The following SCYL2 variants were observed in gnomAD, a reference collection of about 807,000 sequenced individuals.
SCYL2 encodes the protein SCY1 like pseudokinase 2.
A neutral mutation model predicts 100.4 loss-of-function variants in SCYL2; 36 were observed. The observed-to-expected ratio is 0.36, with a 90% confidence interval of 0.27 to 0.47. SCYL2 has a LOEUF of 0.47. SCYL2 is among the 20% of genes least tolerant of loss of function. The pLI is 1.00. For missense variants in SCYL2, 902 were observed against 1,083.9 expected (o/e 0.83, Z 2.36); for synonymous variants, 330 against 359.2 (o/e 0.92, Z 0.92).
intron 3 of SCYL2, among the ~76,000 whole-genome samples, chr12:100,297,132 G>A (rs1474131330): frequency 6.6e-6 from 1 of 152,180 alleles, no homozygotes; most frequent in Non-Finnish European, 1.5e-5. Context: ...TAAAGTGTTA[G>A]GGCTTGGGTG....
At chr12:100,337,209 A>T (rs534427729) in intron 16 of SCYL2, among the ~76,000 whole-genome samples, 178 bp from the exon 17 acceptor site, 1 of 152,274 alleles carries the variant, frequency 6.6e-6, no homozygotes, top group African/African-American at 2.4e-5. Context: ...GTGAGTTTTT[A>T]TCTAAAGTTA....
intron 10 of SCYL2, among the ~76,000 whole-genome samples, chr12:100,320,586 A>AAATAAGT (rs756643167): frequency 6.8e-6 from 1 of 147,262 alleles, no homozygotes; most frequent in Non-Finnish European, 1.5e-5. Context: ...ATAAATAAAT[A>AAATAAGT]AATAAATAAA....
In SCYL2 at chr12:100,340,651, AATTAT is replaced by A. The variant is rs1454323960; in HGVS notation, c.*1485_*1489del. The A allele has an allele frequency of 1.3e-5, 2 of 152,108 alleles. No homozygotes were observed. Among genetic ancestry groups the A allele is most frequent in the Admixed American group, 6.5e-5 (1 of 15,276 alleles). The allele number at this position is 152,108 out of a possible 1,614,324, so 9.4% of individuals were successfully genotyped here. ...AGCACTTGATTACAAAATGTAATTT[AATTAT>A]ATTATTGCTGGCAGCATTCAGTTAA... On this transcript the variant is annotated 3_prime_UTR_variant, in exon 18 of 18. Transcript: ENST00000360820.
chr12:100,283,892 A>G (rs748183726), intron 2 of SCYL2, among the ~76,000 whole-genome samples: 4 of 152,152 alleles, frequency 2.6e-5, no homozygotes, highest in Non-Finnish European at 4.4e-5. Context: ...TGCCATTTGG[A>G]AGTCTTTACT....
intron 11 of SCYL2, among the ~76,000 whole-genome samples, chr12:100,325,320 T>C (rs1470943211): frequency 6.6e-6 from 1 of 152,230 alleles, no homozygotes; most frequent in African/African-American, 2.4e-5. Context: ...TGTGAATTGC[T>C]GCCCAGTTAT....
In SCYL2 at chr12:100,335,912, T is replaced by C; in HGVS notation, c.2025+6T>C. 6.2e-7 allele frequency: 1 copy of C among 1,602,198 alleles called. No homozygotes were observed. Among genetic ancestry groups the C allele is most frequent in the Non-Finnish European group, 8.5e-7 (1 of 1,170,124 alleles). On this transcript the variant is annotated splice_donor_region_variant and intron_variant, in intron 16 of 17. Coordinates refer to ENST00000360820, the MANE Select transcript of SCYL2 (RefSeq NM_017988.6). ...TACAGAATAAACATAAAAGAGTGAG[T>C]TTCCTTACTGTTCTTTCAGCCCTCT... is the stretch of plus-strand genomic sequence containing the variant.
At chr12:100,285,691 T>C (rs2096303769) in intron 2 of SCYL2, among the ~76,000 whole-genome samples, 1 of 152,182 alleles carries the variant, frequency 6.6e-6, no homozygotes, top group East Asian at 1.9e-4. Flanking sequence ...AACATAGAAT[T>C]TATACCATTA....
At chr12:100,305,756 C>G (rs560166634) in intron 4 of SCYL2, among the ~76,000 whole-genome samples, 1 of 140,490 alleles carries the variant, frequency 7.1e-6, no homozygotes, top group Non-Finnish European at 1.5e-5. Flanking sequence ...ACAAAATAGA[C>G]TGCTAGCCAG....
At chr12:100,276,466 G>A (rs2135805653) in intron 1 of SCYL2, among the ~76,000 whole-genome samples, 1 of 152,174 alleles carries the variant, frequency 6.6e-6, no homozygotes. Context: ...CCAAGTAGCT[G>A]GGACCATAAG....
intron 1 of SCYL2, among the ~76,000 whole-genome samples, chr12:100,274,884 T>G (rs2096291083): frequency 6.6e-6 from 1 of 152,210 alleles, no homozygotes; most frequent in Non-Finnish European, 1.5e-5. Flanking sequence ...AGCCTGTGGA[T>G]CCCTTCTCAC....
rs370957100 is a variant in SCYL2, at chr12:100,314,455, A to G, written c.970-34A>G. The G allele has an allele frequency of 1.4e-4, 208 of 1,490,458 alleles. 2 individuals are homozygous for G. The Middle Eastern group carries it at 1.7e-3, about 12-fold the overall frequency. The allele number at this position is 1,490,458 out of a possible 1,614,324, so 92.3% of individuals were successfully genotyped here. A position where few individuals can be genotyped will look rare whatever the true frequency, so the allele number is the denominator to read the frequency against. On this transcript the variant is annotated intron_variant, in intron 7 of 17. Transcript: ENST00000360820. The stretch of plus-strand genomic sequence containing the variant: ...ATATGAGAAGTACTTTCAATTTAAC[A>G]TTTATCAAAATACTTTATTTCCATT...
At chr12:100,330,713 G>A (rs559016499) in intron 13 of SCYL2, among the ~76,000 whole-genome samples, 1 of 152,256 alleles carries the variant, frequency 6.6e-6, no homozygotes, top group East Asian at 1.9e-4. Flanking sequence ...TGGGGAGAGT[G>A]CTGAGTGAGC....
intron 4 of SCYL2, among the ~76,000 whole-genome samples, chr12:100,301,915 G>A (rs979405217): frequency 1.3e-5 from 2 of 152,222 alleles, no homozygotes; most frequent in Admixed American, 6.5e-5. Context: ...GACCCATGGC[G>A]TACTATGTGG....
intron 1 of SCYL2, 38 bp from the exon 2 acceptor site, chr12:100,282,905 G>A: frequency 1.0e-6 from 1 of 993,094 alleles, no homozygotes; most frequent in East Asian, 2.5e-5. Context: ...ATATAGATAA[G>A]AAATGATCAG....
At position 100,283,205 on chromosome 12, in the gene SCYL2, G is replaced by A. The variant is rs1420978702; in HGVS notation, c.177+58G>A. ...ACCCACATGCTAAGAACCATAAAAT[G>A]CATGTGTGCATTTTTATGTTAAGAA... On this transcript the variant is annotated intron_variant, in intron 2 of 17. Coordinates refer to ENST00000360820, the MANE Select transcript of SCYL2 (RefSeq NM_017988.6). The A allele has an allele frequency of 1.3e-5, 19 of 1,416,832 alleles. No individual in the cohort carries two copies. The South Asian group carries it at 2.7e-4, about 20-fold the overall frequency. The allele number at this position is 1,416,832 out of a possible 1,614,324, so 87.8% of individuals were successfully genotyped here.
intron 1 of SCYL2, among the ~76,000 whole-genome samples, chr12:100,271,220 A>T (rs1317295228): frequency 4.8e-5 from 7 of 146,864 alleles, no homozygotes; most frequent in African/African-American, 1.8e-4. Flanking sequence ...TCTTAAGGCC[A>T]ACTCTGGCCT....
chr12:100,308,236 C>A (rs1036597042), intron 4 of SCYL2, among the ~76,000 whole-genome samples: 4 of 152,110 alleles, frequency 2.6e-5, no homozygotes, highest in Non-Finnish European at 2.9e-5. Context: ...TGGAACCAAC[C>A]CAAATGCCCA....
At chr12:100,311,247 T>C (rs2096341843) in intron 5 of SCYL2, 54 bp downstream of exon 5, 2 of 1,534,984 alleles carry the variant, frequency 1.3e-6, no homozygotes, top group Non-Finnish European at 1.8e-6. Context: ...TTTGATTGCA[T>C]CTGGAATGGA....
chr12:100,316,746 A>G lies in SCYL2; in HGVS notation c.1272+1012A>G, dbSNP rs74799732. Among the ~76,000 whole-genome samples the G allele has an allele frequency of 5.7e-3, 869 of 152,320 alleles. 9 individuals are homozygous for G. Among genetic ancestry groups the G allele is most frequent in the African/African-American group, 0.02 (828 of 41,584 alleles). On this transcript the variant is annotated intron_variant, in intron 9 of 17. Coordinates refer to ENST00000360820, the MANE Select transcript of SCYL2 (RefSeq NM_017988.6). ...ATGCATCAGTCAAGATAGTACCCTAAGGATCCTATAATCTGAATTCTTATT... is the reference window on the plus strand; with the variant it reads ...ATGCATCAGTCAAGATAGTACCCTAGGGATCCTATAATCTGAATTCTTATT...
Sources: gnomAD v4.1 joint callset for allele counts (sites outside exome capture counted in the v4.1 genomes callset) on GRCh38, gnomAD v4.1.1 for gene constraint, MANE v1.5 for transcripts, NCBI Gene and HGNC (gene_info 2026-07-23, HGNC 2026-07-21) for gene names.